NECTIN2: variants seen among roughly 807,000 people sequenced by gnomAD.
NECTIN2 encodes nectin-2.
In NECTIN2, 23 loss-of-function variants were observed where a neutral mutation model predicts 56.9. The observed-to-expected ratio is 0.40, with a 90% confidence interval of 0.29 to 0.57. The LOEUF (loss-of-function observed/expected upper bound fraction) is 0.57. Ranked by LOEUF, NECTIN2 falls within the 20% of genes least tolerant of loss-of-function variation. The pLI, the probability that NECTIN2 is intolerant of heterozygous loss-of-function variation, is 0.38. For missense variants in NECTIN2, 587 were observed against 718.3 expected, an observed-to-expected ratio of 0.82 and a Z score of 2.09; for synonymous variants, 302 against 313.8, an observed-to-expected ratio of 0.96 and a Z score of 0.40.
intron 1 of NECTIN2, among the ~76,000 whole-genome samples, chr19:44,855,285 C>G (rs888300909): frequency 6.9e-6 from 1 of 145,796 alleles, no homozygotes; most frequent in Non-Finnish European, 1.5e-5. Flanking sequence ...ATTAGCAGAG[C>G]GTGGTGGCGG....
chr19:44,852,490 T>C (rs1235579658), intron 1 of NECTIN2, among the ~76,000 whole-genome samples: 2 of 144,174 alleles, frequency 1.4e-5, no homozygotes, highest in African/African-American at 5.2e-5. Flanking sequence ...CTCAGGAGGC[T>C]GAGGCAGGAG....
chr19:44,876,665 C>CGTCACAG, intron 5 of NECTIN2, among the ~76,000 whole-genome samples: 1 of 152,160 alleles, frequency 6.6e-6, no homozygotes, highest in Non-Finnish European at 1.5e-5. Flanking sequence ...CACAGAGACA[C>CGTCACAG]AGTATGGAGT....
At chr19:44,862,425 A>G (rs1428001187) in intron 1 of NECTIN2, among the ~76,000 whole-genome samples, 2 of 109,342 alleles carry the variant, frequency 1.8e-5, no homozygotes, top group Non-Finnish European at 3.8e-5. Flanking sequence ...AAAAAAAAAA[A>G]AGAAAAGAAA....
chr19:44,886,303 C>A (rs1328778936), intron 8 of NECTIN2, 84 bp downstream of exon 8: 2 of 1,134,058 alleles, frequency 1.8e-6, no homozygotes, highest in Non-Finnish European at 2.6e-6. Context: ...AGGTCAAAGA[C>A]TAAAGGTCAT....
chr19:44,881,362 A>G (rs1969305680), intron 5 of NECTIN2, among the ~76,000 whole-genome samples: 1 of 151,956 alleles, frequency 6.6e-6, no homozygotes. Context: ...ATTCTGCCCC[A>G]GCTACACAGT....
chr19:44,859,971 C>T (rs781350969), intron 1 of NECTIN2, among the ~76,000 whole-genome samples: 1 of 152,176 alleles, frequency 6.6e-6, no homozygotes, highest in Non-Finnish European at 1.5e-5. Context: ...CTATCAGCGG[C>T]TGAATGGATA....
chr19:44,874,605 G>T lies in NECTIN2; in HGVS notation c.1042+127G>T. On this transcript the variant is annotated intron_variant, in intron 5 of 8. Coordinates refer to ENST00000252483, the MANE Select transcript of NECTIN2 (RefSeq NM_001042724.2). This position sits in a 1 kb window ranked among gnomAD's most constrained non-coding sequence, Gnocchi z 6.3. ...CCTGGGAGGGATGCAGACCTGCCTGGCTGAGGGGAGATGAGGGTTGGCCTT... is the reference window on the plus strand; with the variant it reads ...CCTGGGAGGGATGCAGACCTGCCTGTCTGAGGGGAGATGAGGGTTGGCCTT... 8.2e-7 allele frequency: 1 copy of T among 1,222,776 alleles called. No individual in the cohort carries two copies. Among genetic ancestry groups the T allele is most frequent in the South Asian group, 1.4e-5 (1 of 72,208 alleles). The allele number at this position is 1,222,776 out of a possible 1,614,324, so 75.7% of individuals were successfully genotyped here. A position where few individuals can be genotyped will look rare whatever the true frequency, so the allele number is the denominator to read the frequency against.
intron 1 of NECTIN2, among the ~76,000 whole-genome samples, chr19:44,857,398 T>C (rs1968977270): frequency 1.3e-5 from 2 of 151,830 alleles, no homozygotes; most frequent in South Asian, 4.2e-4. Flanking sequence ...CTAGCCATCT[T>C]GCCCAGCTAT....
At chr19:44,873,524 T>G (rs1969201015) in intron 3 of NECTIN2, among the ~76,000 whole-genome samples, 1 of 151,970 alleles carries the variant, frequency 6.6e-6, no homozygotes, top group Admixed American at 6.6e-5. Context: ...TCCCAGCCAT[T>G]TGGGAGGCTG....
At chr19:44,887,539 G>T (rs1969374249) in intron 8 of NECTIN2, among the ~76,000 whole-genome samples, 1 of 152,096 alleles carries the variant, frequency 6.6e-6, no homozygotes, top group Admixed American at 6.6e-5. Flanking sequence ...CAGCTACTTG[G>T]GAGGCTGAGG....
rs763852943 is a variant in NECTIN2, at chr19:44,874,290, G to A, written c.894-40G>A. On this transcript the variant is annotated intron_variant, in intron 4 of 8. Coordinates refer to ENST00000252483, the MANE Select transcript of NECTIN2 (RefSeq NM_001042724.2). This position sits in a 1 kb window ranked among gnomAD's most constrained non-coding sequence, Gnocchi z 6.3. ...GGGATGAGGCCTGTGCTCCCCTCTC[G>A]ACCTTGGTATCCCTCTCACCTGACC... is the stretch of plus-strand genomic sequence containing the variant. The A allele has an allele frequency of 4.8e-5, 77 of 1,601,884 alleles. No homozygotes were observed. Among genetic ancestry groups the A allele is most frequent in the Non-Finnish European group, 6.2e-5 (73 of 1,169,304 alleles).
intron 8 of NECTIN2, among the ~76,000 whole-genome samples, chr19:44,887,311 T>C (rs959322178): frequency 1.3e-5 from 2 of 151,196 alleles, no homozygotes; most frequent in African/African-American, 2.4e-5. Flanking sequence ...ACCACGCCAC[T>C]GCACTCCAGC....
At chr19:44,846,697 C>T in intron 1 of NECTIN2, 84 bp downstream of exon 1, 1 of 1,442,574 alleles carries the variant, frequency 6.9e-7, no homozygotes, top group Non-Finnish European at 9.1e-7. Context: ...GCACCTTCCC[C>T]GCCCACCCCC....
intron 5 of NECTIN2, among the ~76,000 whole-genome samples, chr19:44,880,661 T>G (rs1426618255): frequency 3.3e-5 from 5 of 150,534 alleles, no homozygotes; most frequent in Admixed American, 6.6e-5. Context: ...GTGGTCTCCC[T>G]ATATTACCCA....
intron 5 of NECTIN2, 53 bp from the exon 6 acceptor site, chr19:44,882,158 A>C: frequency 7.3e-7 from 1 of 1,361,538 alleles, no homozygotes; most frequent in Non-Finnish European, 9.6e-7. Flanking sequence ...GCTTGGAATA[A>C]GGAGCTGTGG....
Position 44,864,832 on chromosome 19 carries a change from A to C in NECTIN2, c.89-439A>C, listed in dbSNP as rs989219434. Among the ~76,000 whole-genome samples, 2 of 152,098 alleles carry C rather than the reference A, an allele frequency of 1.3e-5. 1 individual carries two copies. The highest frequency in any genetic ancestry group is 2.9e-5 in the Non-Finnish European group (2 of 68,012). On this transcript the variant is annotated intron_variant, in intron 1 of 8. Transcript: ENST00000252483. ...AACAGAGCAAGACTCCGTCTCAAAA[A>C]AAAAAAGAAGAATGGCCTGGAGCCT...
At chr19:44,853,772 C>A (rs1411730845) in intron 1 of NECTIN2, among the ~76,000 whole-genome samples, 4 of 152,220 alleles carry the variant, frequency 2.6e-5, no homozygotes, top group African/African-American at 9.6e-5. Flanking sequence ...CAGGCGTGAG[C>A]CATTGCGCCC....
In NECTIN2 at chr19:44,868,466, C is replaced by CTT. The variant is rs71338735; in HGVS notation, c.478+2820_478+2821dup. On this transcript the variant is annotated intron_variant, in intron 2 of 8. Transcript: ENST00000252483. ...GATGCTTTTTTTTCTTTTCCTTTTTCTTTTTTTTTTTTTTTCTTTTTTTGA... is the reference window on the plus strand; with the variant it reads ...GATGCTTTTTTTTCTTTTCCTTTTTCTTTTTTTTTTTTTTTTTCTTTTTTTGA... Among the ~76,000 whole-genome samples, 1,067 of 133,428 alleles carry CTT rather than the reference C, an allele frequency of 8.0e-3. 3 individuals are homozygous for CTT. The highest frequency in any genetic ancestry group is 0.017 in the African/African-American group (594 of 35,934). 87.5% of individuals were successfully genotyped at this position (133,428 alleles called of 152,430 possible).
intron 1 of NECTIN2, among the ~76,000 whole-genome samples, chr19:44,850,156 T>G: frequency 6.6e-6 from 1 of 151,668 alleles, no homozygotes; most frequent in East Asian, 1.9e-4. Flanking sequence ...CTGATTGCAC[T>G]ACTGCACTCC....
Sources: gnomAD v4.1 joint callset for allele counts (sites outside exome capture counted in the v4.1 genomes callset) on GRCh38, gnomAD v4.1.1 for gene constraint, Gnocchi (gnomAD v3.1) non-coding constraint, MANE v1.5 for transcripts, NCBI Gene and HGNC (gene_info 2026-07-23, HGNC 2026-07-21) for gene names.